PRKAR1A: variants seen among roughly 807,000 people sequenced by gnomAD.
The protein encoded by PRKAR1A is cAMP-dependent protein kinase type I-alpha regulatory subunit.
PRKAR1A carries 3 observed loss-of-function variants against 52.0 expected under a neutral mutation model. The observed-to-expected ratio is 0.06, with a 90% CI of 0.03 to 0.15. The LOEUF (loss-of-function observed/expected upper bound fraction) is 0.15. Among genes scored for constraint, PRKAR1A ranks in the 10% least tolerant of loss-of-function variants. The probability of loss-of-function intolerance (pLI) is 1.00; values close to 1 mark genes in which losing one functional copy is unlikely to be tolerated. For missense variants in PRKAR1A, 240 were observed against 477.4 expected (o/e 0.50, Z 4.63); for synonymous variants, 188 against 168.4 (o/e 1.12, Z -0.90).
the PRKAR1A span, among the ~76,000 whole-genome samples, chr17:68,478,263 C>T: frequency 6.6e-6 from 1 of 152,090 alleles, no homozygotes; most frequent in African/African-American, 2.4e-5. Context: ...ACTATCCTGG[C>T]CAACATGGTG....
chr17:68,468,571 G>T, the PRKAR1A span, among the ~76,000 whole-genome samples: 1 of 152,164 alleles, frequency 6.6e-6, no homozygotes, highest in Non-Finnish European at 1.5e-5. Flanking sequence ...AATGCTCATT[G>T]GCTAAAGCTG....
chr17:68,548,361 C>G (rs545964234), intron 11 of PRKAR1A, among the ~76,000 whole-genome samples: 20 of 152,300 alleles, frequency 1.3e-4, no homozygotes, highest in African/African-American at 4.1e-4. Flanking sequence ...GAAACCCCGT[C>G]TCTACTAAAA....
the PRKAR1A span, chr17:68,425,786 CA>C: frequency 2.9e-6 from 1 of 343,910 alleles, no homozygotes; most frequent in Admixed American, 4.5e-5. Flanking sequence ...GCTACAGAAG[CA>C]AAGTAAGGGA....
intron 11 of PRKAR1A, chr17:68,540,802 A>G (rs1311826989): frequency 6.4e-7 from 1 of 1,559,208 alleles, no homozygotes; most frequent in Non-Finnish European, 8.7e-7. Flanking sequence ...AACCCTAGCC[A>G]CATAGCAGAG....
At chr17:68,435,835 TC>T in the PRKAR1A span, 1 of 858,590 alleles carries the variant, frequency 1.2e-6, no homozygotes, top group Non-Finnish European at 1.9e-6. Context: ...TCTTCCTCTG[TC>T]CCCCAGGCCA....
At chr17:68,529,069 C>A in intron 9 of PRKAR1A, 78 bp downstream of exon 9, 1 of 1,562,276 alleles carries the variant, frequency 6.4e-7, no homozygotes, top group Non-Finnish European at 8.8e-7. Flanking sequence ...GTTGTACGCT[C>A]TAAGAGGGAA....
At chr17:68,537,534 G>T, downstream of PRKAR1A, 2 of 1,613,794 alleles carry the variant, frequency 1.2e-6, no homozygotes, top group Non-Finnish European at 1.7e-6. This position sits in a 1 kb window ranked among gnomAD's most constrained non-coding sequence, Gnocchi z 4.2. Flanking sequence ...CTGGGCCGTC[G>T]ACTATGACAC....
chr17:68,480,967 C>T, the PRKAR1A span, among the ~76,000 whole-genome samples: 1 of 152,204 alleles, frequency 6.6e-6, no homozygotes. Context: ...CATGCAGGTC[C>T]ACAGCTTCAT....
chr17:68,480,326 G>A, the PRKAR1A span, among the ~76,000 whole-genome samples: 2 of 152,194 alleles, frequency 1.3e-5, no homozygotes, highest in South Asian at 4.1e-4. Context: ...AATCCCTGTG[G>A]CCTGAGTTAT....
chr17:68,475,429 T>G, the PRKAR1A span, among the ~76,000 whole-genome samples: 1 of 152,220 alleles, frequency 6.6e-6, no homozygotes, highest in Non-Finnish European at 1.5e-5. Flanking sequence ...TAAGTCCTGC[T>G]GTATAGCTTC....
chr17:68,490,674 G>C, the PRKAR1A span, among the ~76,000 whole-genome samples: 1 of 152,184 alleles, frequency 6.6e-6, no homozygotes, highest in East Asian at 1.9e-4. Context: ...GTGGTATGGA[G>C]ATGCGATTAC....
At chr17:68,452,845 T>C in the PRKAR1A span, 3 of 1,477,050 alleles carry the variant, frequency 2.0e-6, 1 homozygote, top group South Asian at 2.3e-5. Context: ...GCACCGCAGA[T>C]TAAAGCCTAG....
the PRKAR1A span, among the ~76,000 whole-genome samples, chr17:68,488,934 T>C: frequency 1.3e-5 from 2 of 151,622 alleles, no homozygotes; most frequent in African/African-American, 4.8e-5. Context: ...TGTGTCTGAA[T>C]TGGGCTTGTC....
At chr17:68,454,060 C>G in the PRKAR1A span, among the ~76,000 whole-genome samples, 3 of 152,044 alleles carry the variant, frequency 2.0e-5, no homozygotes, top group Non-Finnish European at 2.9e-5. Flanking sequence ...ATCAAAGTGC[C>G]TCTTAAAAAA....
In PRKAR1A at chr17:68,529,460, T is replaced by G. The variant is rs148874557; in HGVS notation, c.892-460T>G. ...AGTGGCAGATTTCTATGAATGTGGCTCCATAGTTGCTAATTGATTTTATTT... is the reference window on the plus strand; with the variant it reads ...AGTGGCAGATTTCTATGAATGTGGCGCCATAGTTGCTAATTGATTTTATTT... On this transcript the variant is annotated intron_variant, in intron 9 of 10. Coordinates refer to ENST00000589228, the MANE Select transcript of PRKAR1A (RefSeq NM_002734.5). Among the ~76,000 whole-genome samples, 27 of 152,342 alleles carry G rather than the reference T, an allele frequency of 1.8e-4. No homozygotes were observed. In the East Asian group the frequency reaches 4.0e-3, roughly 23 times the overall value.
chr17:68,426,254 G>GGGGGGGGGGCCCCCCCCCCCC, the PRKAR1A span: 1 of 816,914 alleles, frequency 1.2e-6, no homozygotes, highest in Non-Finnish European at 1.9e-6. Context: ...GGGAGCGGGG[G>GGGGGGGGGGCCCCCCCCCCCC]CTCAAATAAA....
chr17:68,537,089 T>C (rs1296633388), downstream of PRKAR1A: 1 of 463,214 alleles, frequency 2.2e-6, no homozygotes, highest in Non-Finnish European at 4.3e-6. This position sits in a 1 kb window ranked among gnomAD's most constrained non-coding sequence, Gnocchi z 4.2. Context: ...ATCTTTGACT[T>C]GTAGCTAGAA....
the PRKAR1A span, among the ~76,000 whole-genome samples, chr17:68,429,455 G>GT: frequency 6.6e-6 from 1 of 152,152 alleles, no homozygotes; most frequent in Non-Finnish European, 1.5e-5. Flanking sequence ...AATAAGAATT[G>GT]TTTTTAAGAC....
At chr17:68,535,403 G>A (rs1490066912), downstream of PRKAR1A, 1 of 454,116 alleles carries the variant, frequency 2.2e-6, no homozygotes, top group East Asian at 6.9e-5. Context: ...GGAGGTGGCG[G>A]GTTTTGAGGT....
Sources: allele counts gnomAD v4.1 joint callset (sites outside exome capture counted in the v4.1 genomes callset), GRCh38; gene constraint gnomAD v4.1.1; non-coding constraint Gnocchi (gnomAD v3.1); transcripts MANE v1.5; gene names NCBI Gene and HGNC (gene_info 2026-07-23, HGNC 2026-07-21).